EXOC4: variants seen among roughly 807,000 people sequenced by gnomAD.
The protein encoded by EXOC4 is SEC8-like 1.
EXOC4 carries 71 observed loss-of-function variants against 107.2 expected under a neutral mutation model. The observed-to-expected ratio is 0.66, with a 90% CI of 0.55 to 0.81. The LOEUF (loss-of-function observed/expected upper bound fraction) is 0.81. Ranked by LOEUF, EXOC4 falls within the 30% of genes least tolerant of loss-of-function variation. The pLI is 0.00. For missense variants in EXOC4, 1,108 were observed against 1,189.6 expected, an observed-to-expected ratio of 0.93 and a Z score of 1.01; for synonymous variants, 456 against 441.2, an observed-to-expected ratio of 1.03 and a Z score of -0.42.
At position 133,630,144 on chromosome 7, in the gene EXOC4, A is replaced by T; in HGVS notation, c.1514+3A>T. 6.2e-7 allele frequency: 1 copy of T among 1,604,044 alleles called. No homozygotes were observed. Among genetic ancestry groups the T allele is most frequent in the Admixed American group, 1.7e-5 (1 of 59,990 alleles). ...GTCATATTCCACCCATTACTAAGGTAAGTCAAGTGCTATGATATACTTACT... is the reference window on the plus strand; with the variant it reads ...GTCATATTCCACCCATTACTAAGGTTAGTCAAGTGCTATGATATACTTACT... On this transcript the variant is annotated splice_donor_region_variant and intron_variant, in intron 10 of 17. Coordinates refer to ENST00000253861, the MANE Select transcript of EXOC4 (RefSeq NM_021807.4).
chr7:133,810,756 G>A (rs972056836), intron 10 of EXOC4, among the ~76,000 whole-genome samples: 4 of 151,752 alleles, frequency 2.6e-5, no homozygotes, highest in African/African-American at 4.8e-5. Flanking sequence ...CTTGTTTCCC[G>A]AGTAGCTGGG....
chr7:133,489,393 A>G (rs895255833), intron 9 of EXOC4, among the ~76,000 whole-genome samples: 2 of 152,208 alleles, frequency 1.3e-5, no homozygotes, highest in Admixed American at 6.5e-5. Context: ...AAAACCATGT[A>G]TGTAGTTTAA....
At chr7:133,389,570 CAAAAAAAAAAAA>C (rs1202921998) in intron 7 of EXOC4, among the ~76,000 whole-genome samples, 2 of 16,388 alleles carry the variant, frequency 1.2e-4, no homozygotes, top group Non-Finnish European at 2.0e-4. Context: ...TGAAACTCCT[CAAAAAAAAAAAA>C]AAAAAAAAAA....
At chr7:133,630,570 T>G (rs1442600578) in intron 10 of EXOC4, among the ~76,000 whole-genome samples, 1 of 152,204 alleles carries the variant, frequency 6.6e-6, no homozygotes, top group East Asian at 1.9e-4. Flanking sequence ...AAGTGCAGAC[T>G]TTTAATTGCA....
At chr7:133,675,649 T>A (rs1794039986) in intron 10 of EXOC4, among the ~76,000 whole-genome samples, 1 of 152,208 alleles carries the variant, frequency 6.6e-6, no homozygotes. Flanking sequence ...TTGTAGATTA[T>A]TTGATTTAGA....
chr7:133,372,588 A>G (rs1216191574), intron 6 of EXOC4, among the ~76,000 whole-genome samples: 1 of 152,040 alleles, frequency 6.6e-6, no homozygotes, highest in Non-Finnish European at 1.5e-5. Context: ...GCTGCTGAGC[A>G]GCTCTTGTCC....
the EXOC4 span, among the ~76,000 whole-genome samples, chr7:134,075,285 C>T: frequency 6.6e-6 from 1 of 152,274 alleles, no homozygotes; most frequent in East Asian, 1.9e-4. Flanking sequence ...ATTAGGTTCT[C>T]AATATATCTT....
intron 10 of EXOC4, among the ~76,000 whole-genome samples, chr7:133,787,824 G>A (rs1796607108): frequency 3.3e-5 from 5 of 150,450 alleles, no homozygotes; most frequent in Admixed American, 2.7e-4. Context: ...TCACACTGGG[G>A]GTTTGAGTTT....
chr7:133,838,827 T>C (rs1797969397), intron 11 of EXOC4, among the ~76,000 whole-genome samples: 1 of 152,234 alleles, frequency 6.6e-6, no homozygotes, highest in South Asian at 2.1e-4. Context: ...TCATAGATAA[T>C]ATGTAAATGA....
rs1801087093 is a variant in EXOC4, at chr7:133,967,023, GGGCTTTGAC to G, written c.2206+28955_2206+28963del. Among the ~76,000 whole-genome samples the G allele has an allele frequency of 2.6e-5, 4 of 152,084 alleles. 1 individual carries two copies. Among genetic ancestry groups the G allele is most frequent in the Admixed American group, 2.6e-4 (4 of 15,280 alleles). ...TCAGAACTTGTTATAGGTCTATTCA[GGGCTTTGAC>G]TTCTTCCTGGTTTAGTCTTGGGAGG... On this transcript the variant is annotated intron_variant, in intron 14 of 17. Coordinates refer to ENST00000253861, the MANE Select transcript of EXOC4 (RefSeq NM_021807.4).
chr7:133,846,971 T>C (rs1798140443), intron 11 of EXOC4, among the ~76,000 whole-genome samples: 1 of 152,242 alleles, frequency 6.6e-6, no homozygotes, highest in Non-Finnish European at 1.5e-5. Flanking sequence ...GAAAGTTACA[T>C]GGGATAATTT....
At chr7:133,471,652 C>G (rs1215914072) in intron 7 of EXOC4, among the ~76,000 whole-genome samples, 2 of 152,058 alleles carry the variant, frequency 1.3e-5, no homozygotes, top group South Asian at 2.1e-4. Flanking sequence ...AGAGTTCATT[C>G]TACTTTGAAG....
At chr7:133,623,189 A>AT (rs1403609752) in intron 9 of EXOC4, among the ~76,000 whole-genome samples, 1 of 149,546 alleles carries the variant, frequency 6.7e-6, no homozygotes, top group Non-Finnish European at 1.5e-5. Flanking sequence ...CTTAACCTAA[A>AT]GTATAACGCG....
chr7:133,823,843 T>TATATATA (rs1277754160), intron 11 of EXOC4, among the ~76,000 whole-genome samples: 3 of 18,718 alleles, frequency 1.6e-4, no homozygotes, highest in African/African-American at 9.0e-4. Context: ...TATATATATA[T>TATATATA]TATATATATA....
At chr7:133,513,381 A>G (rs1449274044) in intron 9 of EXOC4, among the ~76,000 whole-genome samples, 1 of 152,072 alleles carries the variant, frequency 6.6e-6, no homozygotes, top group African/African-American at 2.4e-5. Context: ...TATTATTTTT[A>G]TCATTAAAAG....
At chr7:133,451,138 G>A (rs944109425) in intron 7 of EXOC4, among the ~76,000 whole-genome samples, 5 of 151,984 alleles carry the variant, frequency 3.3e-5, no homozygotes, top group African/African-American at 7.3e-5. Context: ...ACTCTCTTCC[G>A]TTGACCTTGT....
In EXOC4 at chr7:134,064,575, C is replaced by CTT. The variant is rs33995948; in HGVS notation, c.*52_*53dup. 3 of 1,296,382 alleles carry CTT rather than the reference C, an allele frequency of 2.3e-6. No homozygotes were observed. In the African/African-American group the frequency reaches 4.5e-5, roughly 19 times the overall value. 80.3% of individuals were successfully genotyped at this position (1,296,382 alleles called of 1,614,324 possible). On this transcript the variant is annotated 3_prime_UTR_variant, in exon 18 of 18. Transcript: ENST00000253861. The stretch of plus-strand genomic sequence containing the variant: ...ACGGGGGTCCCCTCAGTCACACTCA[C>CTT]TTTTTTCCTTGGTATGTTATTGAGT...
intron 7 of EXOC4, among the ~76,000 whole-genome samples, chr7:133,449,191 G>A (rs1798285158): frequency 6.6e-6 from 1 of 152,168 alleles, no homozygotes; most frequent in African/African-American, 2.4e-5. Context: ...TGGAGGCAGA[G>A]ATTAGAGTAA....
At chr7:133,476,555 T>C (rs1050602129) in intron 8 of EXOC4, among the ~76,000 whole-genome samples, 1 of 152,220 alleles carries the variant, frequency 6.6e-6, no homozygotes, top group Non-Finnish European at 1.5e-5. Context: ...CTTAGATTTT[T>C]AGTGTTTTTA....
Sources: gnomAD v4.1 joint callset for allele counts (sites outside exome capture counted in the v4.1 genomes callset) on GRCh38, gnomAD v4.1.1 for gene constraint, MANE v1.5 for transcripts, NCBI Gene and HGNC (gene_info 2026-07-23, HGNC 2026-07-21) for gene names.